The following ABCA9 variants were observed in gnomAD, a reference collection of about 807,000 sequenced individuals.
ABCA9 encodes ATP binding cassette subfamily A member 9.
Under a neutral mutation model 205.3 loss-of-function variants are expected in ABCA9, and 183 were observed. That is an observed-to-expected ratio of 0.89 (90% CI 0.79 to 1.01). The LOEUF is 1.01. Ranked by LOEUF, ABCA9 falls within the 50% of genes least tolerant of loss-of-function variation. ABCA9 has a pLI of 0.00. For synonymous variants in ABCA9, 651 were observed against 683.3 expected (o/e 0.95, Z 0.74); for missense variants, 1,805 against 1,912.4 (o/e 0.94, Z 1.05).
At chr17:69,011,353 G>GA (rs2070364014) in intron 23 of ABCA9, among the ~76,000 whole-genome samples, 1 of 152,120 alleles carries the variant, frequency 6.6e-6, no homozygotes, top group Admixed American at 6.5e-5. Flanking sequence ...AAAAGTAAAG[G>GA]AAAAATAGTA....
intron 37 of ABCA9, 71 bp from the exon 38 acceptor site, chr17:68,976,261 A>C: frequency 1.6e-6 from 2 of 1,231,322 alleles, no homozygotes; most frequent in Non-Finnish European, 2.4e-6. Context: ...TAACAAACCA[A>C]AATACATACA....
intron 26 of ABCA9, among the ~76,000 whole-genome samples, chr17:68,993,882 A>AT (rs1359692726): frequency 7.3e-5 from 11 of 150,618 alleles, no homozygotes; most frequent in African/African-American, 1.7e-4. Context: ...CTGATACTAT[A>AT]TTTTTTTTTA....
intron 19 of ABCA9, among the ~76,000 whole-genome samples, chr17:69,019,260 TTTG>T (rs898510956): frequency 2.0e-5 from 3 of 152,124 alleles, no homozygotes; most frequent in African/African-American, 7.2e-5. Context: ...TTCTTAACAT[TTTG>T]TTGACATTAT....
At position 69,027,731 on chromosome 17, in the gene ABCA9, G is replaced by A. The variant is rs1048421107; in HGVS notation, c.1700C>T (p.Ser567Phe). The A allele has an allele frequency of 6.2e-7, 1 of 1,613,040 alleles. No homozygotes were observed. Among genetic ancestry groups the A allele is most frequent in the African/African-American group, 1.3e-5 (1 of 74,994 alleles). ...ISKFTGFCPQ[S>F]NVQFGFLTVK... is the part of the protein sequence containing the mutation. ...AGTGAGAAATCCAAATTGCACATTG[G>A]ATTGTGGACAAAATCCAGTGAACTT... The change falls in exon 13 of 39, where the codon TCC (serine) becomes TTC (phenylalanine). Residue 567 changes from serine (S) to phenylalanine (F), a missense_variant. Coordinates refer to ENST00000340001, the MANE Select transcript of ABCA9 (RefSeq NM_080283.4).
At chr17:68,978,821 G>T (rs1479088696) in intron 37 of ABCA9, among the ~76,000 whole-genome samples, 1 of 152,082 alleles carries the variant, frequency 6.6e-6, no homozygotes, top group Non-Finnish European at 1.5e-5. Context: ...CAAACCCACA[G>T]CCAATATCAT....
chr17:68,979,939 C>T (rs62150380), intron 37 of ABCA9, among the ~76,000 whole-genome samples: 1 of 152,110 alleles, frequency 6.6e-6, no homozygotes, highest in South Asian at 2.1e-4. Context: ...CAAATGAGAT[C>T]TAATTAAACT....
In ABCA9 at chr17:69,051,135, G is replaced by A. The variant is rs375195626; in HGVS notation, c.-9C>T. On this transcript the variant is annotated 5_prime_UTR_variant, in exon 2 of 39. Coordinates refer to ENST00000340001, the MANE Select transcript of ABCA9 (RefSeq NM_080283.4). ...ATGCGTCTCTTGCTCATTTTGACCT[G>A]TTTCCTTTAAAAAGACAGAAAAAAA... 4 of 1,612,568 alleles carry A rather than the reference G, an allele frequency of 2.5e-6. No individual in the cohort carries two copies. Among genetic ancestry groups the A allele is most frequent in the Non-Finnish European group, 3.4e-6 (4 of 1,179,318 alleles).
intron 9 of ABCA9, 133 bp downstream of exon 9, chr17:69,033,593 A>G (rs2071233929): frequency 7.0e-6 from 5 of 714,066 alleles, no homozygotes; most frequent in African/African-American, 1.8e-5. Context: ...TAAACAAACT[A>G]TAGAATATCA....
rs1431211222 is a variant in ABCA9 at position 69,020,492 on chromosome 17, T to C, written c.2496A>G (p.Thr832=). ...GCGCCACGCCACTGATTGTTTTCCT[T>C]GTTTCGTGGAAGGAAGACAAAACTT... is the stretch of plus-strand genomic sequence containing the variant. ...LEQVLSSFHE[T]RKTISGVALW... Residue 832 remains threonine, a synonymous_variant, in exon 19 of 39, where the codon ACA becomes ACG. Coordinates refer to ENST00000340001, the MANE Select transcript of ABCA9 (RefSeq NM_080283.4). The C allele has an allele frequency of 1.2e-6, 2 of 1,614,022 alleles. No homozygotes were observed. Among genetic ancestry groups the C allele is most frequent in the African/African-American group, 2.7e-5 (2 of 74,936 alleles).
intron 32 of ABCA9, 102 bp from the exon 33 acceptor site, chr17:68,985,230 A>G: frequency 7.1e-7 from 1 of 1,412,974 alleles, no homozygotes; most frequent in South Asian, 1.2e-5. Flanking sequence ...GGTGTTTATG[A>G]GTGGTCAGAG....
rs2070199547 is a variant in ABCA9 at position 69,007,758 on chromosome 17, C to T, written c.3435+1G>A. On this transcript the variant is annotated splice_donor_variant, in intron 25 of 38. Transcript: ENST00000340001. LOFTEE classifies it high-confidence loss of function. ...ATAATAGGTAGTATATGCATACTCACAATTAAGAAGAAAAATGACCAAATG... is the reference window on the plus strand; with the variant it reads ...ATAATAGGTAGTATATGCATACTCATAATTAAGAAGAAAAATGACCAAATG... The T allele has an allele frequency of 6.5e-7, 1 of 1,547,472 alleles. No homozygotes were observed. Among genetic ancestry groups the T allele is most frequent in the Non-Finnish European group, 8.9e-7 (1 of 1,120,666 alleles).
intron 13 of ABCA9, 40 bp from the exon 14 acceptor site, chr17:69,027,489 T>C (rs773807033): frequency 1.3e-6 from 2 of 1,578,604 alleles, no homozygotes; most frequent in Non-Finnish European, 1.7e-6. Context: ...ACCCAGAAAG[T>C]TTATTTTAAA....
rs749577797 is a variant in ABCA9 at position 69,049,390 on chromosome 17, C to T, written c.197G>A (p.Gly66Glu). The change falls in exon 3 of 39, where the codon GGA becomes GAA. Residue 66 changes from glycine to glutamate, a missense_variant. Physicochemically the swap from Gly to Glu is moderately conservative, Grantham distance 98. Transcript: ENST00000340001. ...DTPQMSSMDL[G>E]RVDSFNDTNY... Reference sequence around the variant, plus strand: ...AGTATCATTAAAACTATCTACACGTCCCAGATCCATTGAAGACATTTGAGG... The same window carrying T: ...AGTATCATTAAAACTATCTACACGTTCCAGATCCATTGAAGACATTTGAGG... The T allele has an allele frequency of 5.6e-6, 9 of 1,612,858 alleles. No homozygotes were observed. In the Admixed American group the frequency reaches 1.2e-4, roughly 21 times the overall value.
At chr17:69,021,689 C>A in intron 18 of ABCA9, 53 bp downstream of exon 18, 4 of 1,180,250 alleles carry the variant, frequency 3.4e-6, no homozygotes, top group African/African-American at 1.6e-5. Context: ...TCCTTCCTTC[C>A]TTCCTTCCTT....
At chr17:69,066,157 C>T in the ABCA9 span, among the ~76,000 whole-genome samples, 1 of 152,202 alleles carries the variant, frequency 6.6e-6, no homozygotes, top group Non-Finnish European at 1.5e-5. Context: ...GGTGCCCCCA[C>T]AGCACGCTGT....
At chr17:69,007,988 T>C in intron 24 of ABCA9, 74 bp downstream of exon 24, 2 of 1,490,200 alleles carry the variant, frequency 1.3e-6, no homozygotes, top group Middle Eastern at 1.8e-4. Context: ...AGTTCTTTGG[T>C]TTAAGATTAA....
At chr17:69,056,773 A>T (rs2072082318) in intron 1 of ABCA9, among the ~76,000 whole-genome samples, 1 of 152,196 alleles carries the variant, frequency 6.6e-6, no homozygotes, top group Non-Finnish European at 1.5e-5. Context: ...TGTGTAAGAG[A>T]TAATGAGCAG....
intron 37 of ABCA9, 67 bp from the exon 38 acceptor site, chr17:68,976,257 A>C: frequency 7.9e-7 from 1 of 1,262,078 alleles, no homozygotes; most frequent in Non-Finnish European, 1.1e-6. Flanking sequence ...CAAGTAACAA[A>C]CCAAAATACA....
chr17:69,021,603 C>T (rs2070809409), intron 18 of ABCA9, 139 bp downstream of exon 18: 2 of 571,682 alleles, frequency 3.5e-6, no homozygotes, highest in East Asian at 6.0e-5. Context: ...ATAGCACCAA[C>T]AAAAGTATAT....
Sources: allele counts gnomAD v4.1 joint callset (sites outside exome capture counted in the v4.1 genomes callset), GRCh38; gene constraint gnomAD v4.1.1; transcripts MANE v1.5; gene names NCBI Gene and HGNC (gene_info 2026-07-23, HGNC 2026-07-21).